The following SBNO2 variants were observed in gnomAD, a reference collection of about 807,000 sequenced individuals.
SBNO2 encodes the protein protein strawberry notch homolog 2.
In SBNO2, 89 loss-of-function variants were observed where a neutral mutation model predicts 146.3. That is an observed-to-expected ratio of 0.61 (90% confidence interval 0.51 to 0.73). SBNO2 has a LOEUF of 0.73. Among genes scored for constraint, SBNO2 ranks in the 30% least tolerant of loss-of-function variants. The pLI is 0.00. For missense variants in SBNO2, 2,092 were observed against 2,003.7 expected (o/e 1.04, Z -0.84); for synonymous variants, 1,147 against 892.6 (o/e 1.29, Z -5.08).
Position 1,126,349 on chromosome 19 carries a change from G to C in SBNO2, c.441+1255C>G, listed in dbSNP as rs1413340422. ...AAGGCTGAGTCACCATTCCCGGTGG[G>C]GCTGGCGGGCATTGGGTTTCAGATG... On this transcript the variant is annotated intron_variant, in intron 5 of 31. Coordinates refer to ENST00000361757, the MANE Select transcript of SBNO2 (RefSeq NM_014963.3). This position sits in a 1 kb window ranked among gnomAD's most constrained non-coding sequence, Gnocchi z 4.4. Among the ~76,000 whole-genome samples the C allele has an allele frequency of 6.6e-6, 1 of 152,156 alleles. No homozygotes were observed. The highest frequency in any genetic ancestry group is 1.9e-4 in the East Asian group (1 of 5,200).
chr19:1,127,878 G>A (rs1429885727), intron 4 of SBNO2, 113 bp from the exon 5 acceptor site: 4 of 967,538 alleles, frequency 4.1e-6, no homozygotes, highest in Admixed American at 2.2e-5. Context: ...ACTGGAGCAT[G>A]TGGGAATGGG....
chr19:1,122,110 T>A, intron 11 of SBNO2, 29 bp downstream of exon 11: 4 of 944,852 alleles, frequency 4.2e-6, no homozygotes, highest in Non-Finnish European at 5.1e-6. Context: ...AATCCAGCCC[T>A]CCCCTCCCGA....
At position 1,116,037 on chromosome 19, in the gene SBNO2, C is replaced by T. The variant is rs777465714; in HGVS notation, c.1869G>A (p.Ala623=). The T allele has an allele frequency of 2.0e-5, 32 of 1,610,094 alleles. No homozygotes were observed. The highest frequency in any genetic ancestry group is 1.1e-4 in the African/African-American group (8 of 74,690). The change falls in exon 17 of 32, where the codon GCG becomes GCA. Residue 623 remains alanine (A), a synonymous_variant. Transcript: ENST00000361757. ...AGGGCTTACGTTTCCGCTTGCTGCC[C>T]GCTCCTCTGTCCCGCTTTCTCTTGG... ...PSTKRKRDRG[A]GSKRKRRPRG... is the part of the protein sequence containing the mutation.
chr19:1,118,115 C>A (rs566487483), intron 14 of SBNO2, among the ~76,000 whole-genome samples: 2 of 152,104 alleles, frequency 1.3e-5, no homozygotes, highest in Admixed American at 6.6e-5. Flanking sequence ...GCGGTCAGAT[C>A]GCCTGAGCTC....
chr19:1,132,411 G>T (rs2145256549), intron 4 of SBNO2: 2 of 580,474 alleles, frequency 3.4e-6, no homozygotes, highest in South Asian at 7.5e-5. Flanking sequence ...TCCCACAGGC[G>T]CTGTCAACAC....
intron 17 of SBNO2, 88 bp downstream of exon 17, chr19:1,115,933 G>GT (rs2079825973): frequency 1.9e-6 from 2 of 1,064,452 alleles, no homozygotes; most frequent in African/African-American, 3.2e-5. Context: ...GGACGGGGGA[G>GT]TGGGGGAAGC....
rs555642586 is a variant in SBNO2, at chr19:1,110,227, G to A, written c.3029-450C>T. Reference sequence around the variant, plus strand: ...CTCATGAGTGAAGTAGCCATGGCCCGGACCCGACCCTCATCTGGACACAGG... The same window carrying A: ...CTCATGAGTGAAGTAGCCATGGCCCAGACCCGACCCTCATCTGGACACAGG... On this transcript the variant is annotated intron_variant, in intron 26 of 31. Coordinates refer to ENST00000361757, the MANE Select transcript of SBNO2 (RefSeq NM_014963.3). This position sits in a 1 kb window ranked among gnomAD's most constrained non-coding sequence, Gnocchi z 4.9. 5.6e-4 allele frequency among the ~76,000 whole-genome samples: 85 copies of A among 152,222 alleles called. No individual in the cohort carries two copies. The highest frequency in any genetic ancestry group is 1.1e-3 in the Non-Finnish European group (74 of 67,992).
intron 4 of SBNO2, among the ~76,000 whole-genome samples, chr19:1,138,469 G>A (rs996299035): frequency 2.0e-5 from 3 of 152,060 alleles, no homozygotes; most frequent in South Asian, 2.1e-4. Flanking sequence ...GCATATGGAC[G>A]CTGCTAACAG....
At chr19:1,149,283 G>T in intron 3 of SBNO2, 86 bp downstream of exon 3, 1 of 1,290,426 alleles carries the variant, frequency 7.7e-7, no homozygotes. Flanking sequence ...TTGGGCCCTC[G>T]CGCCCTGCAC....
chr19:1,132,395 C>G, intron 4 of SBNO2: 1 of 667,438 alleles, frequency 1.5e-6, no homozygotes. Flanking sequence ...CTGTACGGGG[C>G]GGATCTCCCA....
chr19:1,143,250 G>A (rs924891726), intron 4 of SBNO2, among the ~76,000 whole-genome samples: 5 of 152,200 alleles, frequency 3.3e-5, no homozygotes, highest in Admixed American at 6.5e-5. Flanking sequence ...GGCTCAGGCA[G>A]GAGAATCGCT....
intron 1 of SBNO2, among the ~76,000 whole-genome samples, chr19:1,167,488 G>A (rs1243964076): frequency 6.6e-6 from 1 of 152,222 alleles, no homozygotes; most frequent in East Asian, 1.9e-4. Flanking sequence ...ACTGGGCTGA[G>A]GCCCCACTTC....
intron 13 of SBNO2, among the ~76,000 whole-genome samples, 176 bp from the exon 14 acceptor site, chr19:1,119,340 G>A (rs978796213): frequency 1.3e-5 from 2 of 152,222 alleles, no homozygotes; most frequent in East Asian, 1.9e-4. Flanking sequence ...GGGCTGCGGA[G>A]GGGCTGGCTT....
chr19:1,162,453 C>T lies in SBNO2; in HGVS notation c.-126-8051G>A, dbSNP rs373859370. On this transcript the variant is annotated intron_variant, in intron 1 of 31. Coordinates refer to ENST00000361757, the MANE Select transcript of SBNO2 (RefSeq NM_014963.3). ...CCAGCCTGGGTGAAAGAGCGAGACT[C>T]CGTCTCAAAAAAAAAAAAAGAAACG... Among the ~76,000 whole-genome samples, 299 of 139,466 alleles carry T rather than the reference C, an allele frequency of 2.1e-3. 2 individuals carry two copies. The highest frequency in any genetic ancestry group is 6.6e-3 in the African/African-American group (266 of 40,108). The allele number at this position is 139,466 out of a possible 152,430, so 91.5% of individuals were successfully genotyped here. A position where few individuals can be genotyped will look rare whatever the true frequency, so the allele number is the denominator to read the frequency against.
At chr19:1,124,819 G>A (rs770915224) in intron 5 of SBNO2, among the ~76,000 whole-genome samples, 6 of 152,148 alleles carry the variant, frequency 3.9e-5, no homozygotes, top group Non-Finnish European at 7.4e-5. Context: ...GCCTCTGGAT[G>A]AGTCTGTGGC....
Position 1,126,937 on chromosome 19 carries a change from C to T in SBNO2, c.441+667G>A, listed in dbSNP as rs552213169. Among the ~76,000 whole-genome samples, 11 of 152,300 alleles carry T rather than the reference C, an allele frequency of 7.2e-5. No homozygotes were observed. Among genetic ancestry groups the T allele is most frequent in the Non-Finnish European group, 1.5e-4 (10 of 68,016 alleles). On this transcript the variant is annotated intron_variant, in intron 5 of 31. Transcript: ENST00000361757. The surrounding 1 kb of genome is among the most constrained non-coding windows in gnomAD (Gnocchi z 4.4). ...CCGAAGAACCTGGGGGCCCTGCTGC[C>T]CTACAACCCCTGCTCTAGGCCTGGC...
chr19:1,132,081 G>C (rs757335097), intron 4 of SBNO2: 1 of 1,530,716 alleles, frequency 6.5e-7, no homozygotes, highest in Non-Finnish European at 8.8e-7. Flanking sequence ...CCCGGGAAGG[G>C]AGTGTTACCT....
chr19:1,155,482 C>G (rs2080281979), intron 1 of SBNO2, among the ~76,000 whole-genome samples: 1 of 152,224 alleles, frequency 6.6e-6, no homozygotes, highest in Admixed American at 6.5e-5. Flanking sequence ...AGAGCTGGGA[C>G]CCTTGGCAGC....
Position 1,110,453 on chromosome 19 carries a change from G to T in SBNO2, c.3028+292C>A, listed in dbSNP as rs1568551606. Among the ~76,000 whole-genome samples the T allele has an allele frequency of 6.6e-6, 1 of 151,756 alleles. No individual in the cohort carries two copies. Among genetic ancestry groups the T allele is most frequent in the Non-Finnish European group, 1.5e-5 (1 of 67,918 alleles). On this transcript the variant is annotated intron_variant, in intron 26 of 31. Coordinates refer to ENST00000361757, the MANE Select transcript of SBNO2 (RefSeq NM_014963.3). The surrounding 1 kb of genome is among the most constrained non-coding windows in gnomAD (Gnocchi z 4.9). The stretch of plus-strand genomic sequence containing the variant: ...GCCTGCATCCGCCCAGTCTCACCCA[G>T]TACCCTCGCTCACCCAGGATGCATG...
Sources: allele counts gnomAD v4.1 joint callset (sites outside exome capture counted in the v4.1 genomes callset), GRCh38; gene constraint gnomAD v4.1.1; non-coding constraint Gnocchi (gnomAD v3.1); transcripts MANE v1.5; gene names NCBI Gene and HGNC (gene_info 2026-07-23, HGNC 2026-07-21).